Variants in MROH9 observed in about 807,000 individuals in gnomAD.
MROH9 encodes maestro heat-like repeat-containing protein family member 9.
A neutral mutation model predicts 98.2 loss-of-function variants in MROH9; 92 were observed. That is an observed-to-expected ratio of 0.94 (90% CI 0.79 to 1.11). The LOEUF (loss-of-function observed/expected upper bound fraction) is 1.11, where lower values mean the gene tolerates loss of function less well. Ranked by LOEUF, MROH9 falls within the 50% of genes most tolerant of loss-of-function variation. The probability of loss-of-function intolerance (pLI) is 0.00; values close to 1 mark genes in which losing one functional copy is unlikely to be tolerated. For missense variants in MROH9, 1,057 were observed against 1,014.8 expected, an observed-to-expected ratio of 1.04 and a Z score of -0.57; for synonymous variants, 397 against 368.9, an observed-to-expected ratio of 1.08 and a Z score of -0.87.
intron 7 of MROH9, among the ~76,000 whole-genome samples, chr1:170,967,692 G>A (rs1346958923): frequency 6.6e-6 from 1 of 152,156 alleles, no homozygotes; most frequent in Non-Finnish European, 1.5e-5. Flanking sequence ...CATTTTTAAA[G>A]TGATGATTTG....
rs769957783 is a variant in MROH9 at position 170,971,796 on chromosome 1, C to T, written c.529C>T (p.Leu177Phe). Residue 177 changes from leucine to phenylalanine, a missense_variant, in exon 8 of 22, where the codon CTT becomes TTT. Transcript: ENST00000367759. Reference protein sequence around the residue: ...CLGLLAAELSLLCSHEDPSIV... With the variant: ...CLGLLAAELSFLCSHEDPSIV... ...GGGTCTCCTGGCAGCAGAGCTGTCT[C>T]TTTTGTGTTCCCATGAAGATCCCTC... The T allele has an allele frequency of 1.2e-6, 2 of 1,614,066 alleles. No individual in the cohort carries two copies. Among genetic ancestry groups the T allele is most frequent in the Non-Finnish European group, 1.7e-6 (2 of 1,179,948 alleles).
At chr1:171,001,539 G>A (rs1477913287) in intron 15 of MROH9, among the ~76,000 whole-genome samples, 1 of 152,072 alleles carries the variant, frequency 6.6e-6, no homozygotes, top group East Asian at 1.9e-4. Context: ...TAATTTCAAT[G>A]TATTTGTGTG....
At chr1:171,006,849 TG>T (rs138205636) in intron 15 of MROH9, among the ~76,000 whole-genome samples, 34,956 of 151,714 alleles carry the variant, frequency 0.23, 4,665 homozygotes, top group African/African-American at 0.37. Context: ...TGTCTCTTTC[TG>T]GTTCATGCAT....
At chr1:170,952,495 C>CAT (rs1235428590) in intron 3 of MROH9, among the ~76,000 whole-genome samples, 2 of 150,602 alleles carry the variant, frequency 1.3e-5, no homozygotes, top group Admixed American at 1.3e-4. Flanking sequence ...CAAACTATCG[C>CAT]AAGGACAAAA....
chr1:170,950,673 G>A (rs1029076751), intron 3 of MROH9, among the ~76,000 whole-genome samples: 1 of 152,106 alleles, frequency 6.6e-6, no homozygotes, highest in Non-Finnish European at 1.5e-5. Context: ...GCACATGCAT[G>A]TGTATTACCT....
At chr1:170,989,282 C>T (rs1453505828) in intron 10 of MROH9, among the ~76,000 whole-genome samples, 1 of 152,108 alleles carries the variant, frequency 6.6e-6, no homozygotes, top group Admixed American at 6.6e-5. Flanking sequence ...TGATTTGAAA[C>T]AAATTTCAGA....
intron 3 of MROH9, among the ~76,000 whole-genome samples, chr1:170,957,922 C>T (rs1649835957): frequency 6.6e-6 from 1 of 152,050 alleles, no homozygotes; most frequent in South Asian, 2.1e-4. Context: ...CATTCTCCTG[C>T]CTCGGTCTCC....
At chr1:170,971,111 G>T (rs1650441618) in intron 7 of MROH9, among the ~76,000 whole-genome samples, 1 of 151,956 alleles carries the variant, frequency 6.6e-6, no homozygotes, top group Admixed American at 6.6e-5. Flanking sequence ...TCTCTGTTTG[G>T]ATATTATCTA....
At chr1:170,943,811 G>A (rs1649216743) in intron 1 of MROH9, among the ~76,000 whole-genome samples, 1 of 151,966 alleles carries the variant, frequency 6.6e-6, no homozygotes, top group South Asian at 2.1e-4. Flanking sequence ...AAAAATCAAG[G>A]AATGTGATTC....
At chr1:170,945,943 A>G (rs917532886) in intron 2 of MROH9, among the ~76,000 whole-genome samples, 1 of 152,098 alleles carries the variant, frequency 6.6e-6, no homozygotes, top group Non-Finnish European at 1.5e-5. Flanking sequence ...ATTACAAAGT[A>G]TTGATAATAC....
chr1:170,944,329 TCACA>T (rs1190261559), intron 1 of MROH9, among the ~76,000 whole-genome samples: 2 of 151,350 alleles, frequency 1.3e-5, no homozygotes, highest in Non-Finnish European at 3.0e-5. Flanking sequence ...AAACACCACA[TCACA>T]CACATACAAA....
In MROH9 at chr1:171,016,313, A is replaced by G. The variant is rs1297050284; in HGVS notation, c.1885A>G (p.Ser629Gly). 3.3e-6 allele frequency: 5 copies of G among 1,532,982 alleles called. No homozygotes were observed. The highest frequency in any genetic ancestry group is 2.8e-5 in the African/African-American group (2 of 72,088). The allele number at this position is 1,532,982 out of a possible 1,614,324, so 95.0% of individuals were successfully genotyped here. The stretch of plus-strand genomic sequence containing the variant: ...CTCTTTGGGTACCAGAATTGGTTCC[A>G]GCTACTGTACTCTGATGGATCATGT... The part of the protein sequence containing the change: ...TYSLGTRIGS[S>G]YCTLMDHING... The change falls in exon 17 of 22, where the codon AGC becomes GGC. Residue 629 changes from serine to glycine, a missense_variant. Physicochemically the swap from Ser to Gly is moderately conservative, Grantham distance 56. Coordinates refer to ENST00000367759, the MANE Select transcript of MROH9 (RefSeq NM_001163629.2).
intron 20 of MROH9, among the ~76,000 whole-genome samples, chr1:171,047,055 A>G (rs66533663): frequency 0.15 from 22,326 of 152,006 alleles, 1,960 homozygotes; most frequent in African/African-American, 0.24. Context: ...TCCATTGTAT[A>G]TTATGTGTTT....
chr1:170,984,659 A>G (rs1421384252), intron 9 of MROH9, among the ~76,000 whole-genome samples: 3 of 152,164 alleles, frequency 2.0e-5, no homozygotes, highest in Admixed American at 2.0e-4. Flanking sequence ...TTATCATCAC[A>G]GCCTCTAGGT....
At position 170,986,726 on chromosome 1, in the gene MROH9, A is replaced by G. The variant is rs903236171; in HGVS notation, c.879+16A>G. The stretch of plus-strand genomic sequence containing the variant: ...GGTCACCATGGTAAGATACTTGACA[A>G]TAAGCAGGAGAGCACAGGGTTTACT... On this transcript the variant is annotated intron_variant, in intron 10 of 21. Transcript: ENST00000367759. The G allele has an allele frequency of 1.9e-6, 3 of 1,611,956 alleles. No individual in the cohort carries two copies. Among genetic ancestry groups the G allele is most frequent in the Non-Finnish European group, 1.7e-6 (2 of 1,178,876 alleles).
At chr1:170,982,252 C>G (rs919102753) in intron 8 of MROH9, among the ~76,000 whole-genome samples, 2 of 134,774 alleles carry the variant, frequency 1.5e-5, no homozygotes, top group African/African-American at 5.4e-5. Context: ...TAATAGAATA[C>G]TATTATTCCA....
chr1:170,964,451 G>A (rs563023742), intron 6 of MROH9, among the ~76,000 whole-genome samples: 245 of 152,158 alleles, frequency 1.6e-3, no homozygotes, highest in South Asian at 0.015. Flanking sequence ...GAAGAGGTTT[G>A]GCCAACCATT....
chr1:171,060,900 G>A (rs77035716), intron 20 of MROH9, among the ~76,000 whole-genome samples: 1,868 of 152,196 alleles, frequency 0.012, 34 homozygotes, highest in African/African-American at 0.042. Context: ...GAAATTAGGG[G>A]TTTGTGTTAA....
rs530342615 is a variant in MROH9, at chr1:170,954,536, A to C, written c.73-3925A>C. 2.0e-5 allele frequency among the ~76,000 whole-genome samples: 3 copies of C among 152,148 alleles called. No individual in the cohort carries two copies. The South Asian group carries it at 6.2e-4, about 32-fold the overall frequency. ...TACCCATAAATAGGATTGCTGAATC[A>C]TATGTAGTTCCATTTTTAATTTTTT... On this transcript the variant is annotated intron_variant, in intron 3 of 21. Coordinates refer to ENST00000367759, the MANE Select transcript of MROH9 (RefSeq NM_001163629.2).
Sources: allele counts gnomAD v4.1 joint callset (sites outside exome capture counted in the v4.1 genomes callset), GRCh38; gene constraint gnomAD v4.1.1; transcripts MANE v1.5; gene names NCBI Gene and HGNC (gene_info 2026-07-23, HGNC 2026-07-21).